Variants in LRP1B observed in about 807,000 individuals in gnomAD.
LRP1B encodes low-density lipoprotein receptor-related protein 1B.
LRP1B carries 217 observed loss-of-function variants against 556.6 expected under a neutral mutation model. That is an observed-to-expected ratio of 0.39 (90% CI 0.35 to 0.44). LRP1B has a LOEUF of 0.44. Among genes scored for constraint, LRP1B ranks in the 20% least tolerant of loss-of-function variants. LRP1B has a pLI of 1.00. For synonymous variants in LRP1B, 2,047 were observed against 1,865.8 expected (o/e 1.10, Z -2.50); for missense variants, 5,053 against 5,620.8 (o/e 0.90, Z 3.23).
intron 66 of LRP1B, among the ~76,000 whole-genome samples, chr2:140,433,234 A>C (rs898507718): frequency 6.6e-6 from 1 of 152,048 alleles, no homozygotes; most frequent in African/African-American, 2.4e-5. Flanking sequence ...AATAGCTTGG[A>C]TTACAGGCGC....
chr2:140,982,637 T>C (rs1696805128), intron 17 of LRP1B, among the ~76,000 whole-genome samples: 2 of 152,196 alleles, frequency 1.3e-5, no homozygotes, highest in Non-Finnish European at 1.5e-5. Flanking sequence ...AAAAAAAGAA[T>C]TGTGGATAGC....
chr2:140,883,625 G>C (rs563520943), intron 25 of LRP1B, among the ~76,000 whole-genome samples, 192 bp downstream of exon 25: 1 of 150,604 alleles, frequency 6.6e-6, no homozygotes, highest in Admixed American at 6.6e-5. Context: ...CACCAAACTT[G>C]TGGTAATAAA....
At chr2:140,865,597 T>C (rs1039320666) in intron 27 of LRP1B, among the ~76,000 whole-genome samples, 3 of 152,022 alleles carry the variant, frequency 2.0e-5, no homozygotes, top group Non-Finnish European at 4.4e-5. Context: ...TCAGTGATCC[T>C]TATAATGGGG....
intron 24 of LRP1B, among the ~76,000 whole-genome samples, chr2:140,885,624 T>A (rs34501695): frequency 0.1 from 15,791 of 152,078 alleles, 1,098 homozygotes; most frequent in Admixed American, 0.15. Context: ...GTGCTGGGAT[T>A]ATAGGTGTGA....
intron 2 of LRP1B, among the ~76,000 whole-genome samples, chr2:141,720,321 G>A (rs1013082611): frequency 1.9e-4 from 29 of 152,204 alleles, no homozygotes; most frequent in African/African-American, 7.0e-4. Flanking sequence ...TGGCAACAAT[G>A]TATCTTTTAA....
chr2:140,245,305 C>T (rs1451102579), intron 87 of LRP1B, among the ~76,000 whole-genome samples: 1 of 151,290 alleles, frequency 6.6e-6, no homozygotes, highest in African/African-American at 2.4e-5. Flanking sequence ...GTTGGAGACC[C>T]CACTCTCTAA....
intron 68 of LRP1B, among the ~76,000 whole-genome samples, chr2:140,373,724 A>T (rs745432978): frequency 2.0e-5 from 3 of 152,152 alleles, no homozygotes; most frequent in Non-Finnish European, 2.9e-5. Flanking sequence ...GTGCGCGATG[A>T]TGGGCACACA....
chr2:141,241,229 A>G (rs1449140475), intron 5 of LRP1B, among the ~76,000 whole-genome samples: 1 of 152,136 alleles, frequency 6.6e-6, no homozygotes, highest in Non-Finnish European at 1.5e-5. Context: ...ATGTAGAGTA[A>G]AAATACTCCA....
chr2:140,391,351 T>A (rs1044887238), intron 66 of LRP1B, among the ~76,000 whole-genome samples: 1 of 152,038 alleles, frequency 6.6e-6, no homozygotes, highest in Non-Finnish European at 1.5e-5. Context: ...CATGGTGATA[T>A]AAGAATTAGT....
chr2:140,247,768 A>T (rs933284353), intron 86 of LRP1B, among the ~76,000 whole-genome samples: 1 of 151,670 alleles, frequency 6.6e-6, no homozygotes, highest in African/African-American at 2.4e-5. Flanking sequence ...GTACTATAAC[A>T]CTATGATAAG....
At chr2:142,081,916 G>A (rs886992327) in intron 1 of LRP1B, among the ~76,000 whole-genome samples, 1 of 152,156 alleles carries the variant, frequency 6.6e-6, no homozygotes, top group African/African-American at 2.4e-5. Flanking sequence ...GGTAAAAAGT[G>A]GGACCTGGAA....
chr2:141,564,698 C>G (rs1324368235), intron 2 of LRP1B, among the ~76,000 whole-genome samples: 1 of 152,014 alleles, frequency 6.6e-6, no homozygotes, highest in Non-Finnish European at 1.5e-5. Context: ...AAGCATGTGT[C>G]AGACACAAAG....
intron 11 of LRP1B, among the ~76,000 whole-genome samples, chr2:141,034,265 A>C (rs1459197250): frequency 6.6e-6 from 1 of 152,150 alleles, no homozygotes; most frequent in African/African-American, 2.4e-5. Context: ...TATATTTTTC[A>C]GTTTCCCAGG....
At chr2:141,006,880 A>G (rs900143066) in intron 14 of LRP1B, among the ~76,000 whole-genome samples, 2 of 151,980 alleles carry the variant, frequency 1.3e-5, no homozygotes, top group African/African-American at 4.8e-5. Flanking sequence ...ATTACCTTAT[A>G]GGACCATCAC....
intron 3 of LRP1B, among the ~76,000 whole-genome samples, chr2:141,290,977 C>T (rs1231501884): frequency 2.0e-5 from 3 of 151,772 alleles, no homozygotes; most frequent in African/African-American, 7.3e-5. Context: ...TATTTTTAGC[C>T]TATAGATTTC....
chr2:141,222,674 T>G (rs931592751), intron 6 of LRP1B, among the ~76,000 whole-genome samples: 3 of 152,128 alleles, frequency 2.0e-5, no homozygotes, highest in African/African-American at 7.2e-5. Flanking sequence ...ATCCAAAAGT[T>G]TATCTACCAC....
Position 140,702,431 on chromosome 2 carries a change from T to C in LRP1B, c.6146A>G (p.Tyr2049Cys), listed in dbSNP as rs773179051. The C allele has an allele frequency of 2.5e-6, 4 of 1,613,478 alleles. No homozygotes were observed. The highest frequency in any genetic ancestry group is 3.4e-6 in the Non-Finnish European group (4 of 1,179,654). The change falls in exon 38 of 91, where the codon TAT becomes TGT. Residue 2049 changes from tyrosine (Y) to cysteine (C), a missense_variant. By Grantham distance (194) the Tyr-to-Cys change is radical. Around this residue, in one of 5 missense-constraint regions of LRP1B, gnomAD observed 3,619 missense variants for 3,931.9 expected, o/e 0.92. Transcript: ENST00000389484. Reference sequence around the variant, plus strand: ...CTGAAAAGAAATCCAACAGACCTCATAGTCGATGGAGATGCCATTCGGCCA... The same window carrying C: ...CTGAAAAGAAATCCAACAGACCTCACAGTCGATGGAGATGCCATTCGGCCA... Reference protein sequence around the residue: ...IAWPNGISIDYEENKLYWCDA... With the variant: ...IAWPNGISIDCEENKLYWCDA...
intron 3 of LRP1B, among the ~76,000 whole-genome samples, chr2:141,321,929 C>T (rs1687257698): frequency 6.6e-6 from 1 of 151,988 alleles, no homozygotes; most frequent in Non-Finnish European, 1.5e-5. Flanking sequence ...AGCCAAGCAA[C>T]CGGCCCAATA....
At chr2:141,367,471 CTTTTTTTTTTT>C (rs1169568111) in intron 3 of LRP1B, among the ~76,000 whole-genome samples, 1 of 44,922 alleles carries the variant, frequency 2.2e-5, no homozygotes, top group Non-Finnish European at 3.9e-5. Context: ...ATTTGAAATG[CTTTTTTTTTTT>C]TTTTTTTTTT....
Sources: gnomAD v4.1 joint callset for allele counts (sites outside exome capture counted in the v4.1 genomes callset) on GRCh38, gnomAD v4.1.1 for gene constraint, gnomAD v4.1.1 regional missense constraint, MANE v1.5 for transcripts, NCBI Gene and HGNC (gene_info 2026-07-23, HGNC 2026-07-21) for gene names.